AGAP1: variants seen among roughly 807,000 people sequenced by gnomAD.
The protein encoded by AGAP1 is ArfGAP with GTPase domain, ankyrin repeat and PH domain 1.
A neutral mutation model predicts 105.3 loss-of-function variants in AGAP1; 29 were observed. The observed-to-expected ratio is 0.28, with a 90% CI of 0.21 to 0.38. The LOEUF is 0.38. Ranked by LOEUF, AGAP1 falls within the 10% of genes least tolerant of loss-of-function variation. The pLI, the probability that AGAP1 is intolerant of heterozygous loss-of-function variation, is 1.00. For synonymous variants in AGAP1, 509 were observed against 485.9 expected, an observed-to-expected ratio of 1.05 and a Z score of -0.63; for missense variants, 998 against 1,165.1, an observed-to-expected ratio of 0.86 and a Z score of 2.09.
intron 13 of AGAP1, among the ~76,000 whole-genome samples, chr2:235,972,506 G>A (rs1286559709): frequency 6.6e-6 from 1 of 151,528 alleles, no homozygotes; most frequent in Non-Finnish European, 1.5e-5. Context: ...AACCCGGGGT[G>A]TAACGGGGTG....
chr2:235,713,459 C>T (rs1950949210), intron 2 of AGAP1, among the ~76,000 whole-genome samples: 1 of 152,248 alleles, frequency 6.6e-6, no homozygotes. Context: ...TGCATGTACT[C>T]ATCCGTTCTT....
rs2058699687 is a variant in AGAP1, at chr2:236,078,412, A to T, written c.2114+29131A>T. Among the ~76,000 whole-genome samples the T allele has an allele frequency of 6.6e-6, 1 of 152,136 alleles. No individual in the cohort carries two copies. The highest frequency in any genetic ancestry group is 1.5e-5 in the Non-Finnish European group (1 of 68,022). On this transcript the variant is annotated intron_variant, in intron 16 of 17. Transcript: ENST00000304032. The surrounding 1 kb of genome is among the most constrained non-coding windows in gnomAD (Gnocchi z 5.3). ...CTACAAAAGGCCTTCACAGCAATGCATAGGTTGTGTGTGATGAAATCACTG... is the reference window on the plus strand; with the variant it reads ...CTACAAAAGGCCTTCACAGCAATGCTTAGGTTGTGTGTGATGAAATCACTG...
chr2:235,689,328 C>T lies in AGAP1; in HGVS notation c.164-19851C>T, dbSNP rs1290539301. ...CCACAAGTCACTGCACAGCTCACCA[C>T]GCGGGCCTGGAGTGAGCCTGCTGCT... On this transcript the variant is annotated intron_variant, in intron 1 of 17. Transcript: ENST00000304032. This position sits in a 1 kb window ranked among gnomAD's most constrained non-coding sequence, Gnocchi z 4.2. 1.3e-5 allele frequency among the ~76,000 whole-genome samples: 2 copies of T among 152,214 alleles called. No homozygotes were observed. The highest frequency in any genetic ancestry group is 2.9e-5 in the Non-Finnish European group (2 of 68,034).
At chr2:235,726,586 C>G (rs1441364657) in intron 3 of AGAP1, among the ~76,000 whole-genome samples, 2 of 152,206 alleles carry the variant, frequency 1.3e-5, no homozygotes, top group African/African-American at 4.8e-5. Context: ...CACTGCTCCT[C>G]CCGTCTGCCC....
rs2317006 is a variant in AGAP1, at chr2:235,959,161, G to A, written c.1484-9301G>A. 0.51 allele frequency among the ~76,000 whole-genome samples: 77,721 copies of A among 152,004 alleles called. 20,141 individuals are homozygous for A. The highest frequency in any genetic ancestry group is 0.65 in the South Asian group (3,142 of 4,814). On this transcript the variant is annotated intron_variant, in intron 12 of 17. Coordinates refer to ENST00000304032, the MANE Select transcript of AGAP1 (RefSeq NM_001037131.3). The surrounding 1 kb of genome is among the most constrained non-coding windows in gnomAD (Gnocchi z 7.3). ...TAGCCTCTCCCCTCCCATACTTAAC[G>A]CCGTCGACAGTAGTCGTCTGTCCCG...
rs761461457 is a variant in AGAP1 at position 235,553,115 on chromosome 2, C to T, written c.163+58266C>T. Among the ~76,000 whole-genome samples, 57 of 152,204 alleles carry T rather than the reference C, an allele frequency of 3.7e-4. No homozygotes were observed. The highest frequency in any genetic ancestry group is 5.9e-4 in the Non-Finnish European group (40 of 68,034). ...ACTGAATATACAGTCAGCTACTCACCACTCGAAAGCCAGACTTGAGAGACA... is the reference window on the plus strand; with the variant it reads ...ACTGAATATACAGTCAGCTACTCACTACTCGAAAGCCAGACTTGAGAGACA... On this transcript the variant is annotated intron_variant, in intron 1 of 17. Coordinates refer to ENST00000304032, the MANE Select transcript of AGAP1 (RefSeq NM_001037131.3). This position sits in a 1 kb window ranked among gnomAD's most constrained non-coding sequence, Gnocchi z 4.5.
chr2:235,826,468 CA>C (rs1252963089), intron 9 of AGAP1, among the ~76,000 whole-genome samples: 6 of 151,774 alleles, frequency 4.0e-5, no homozygotes, highest in African/African-American at 1.5e-4. Flanking sequence ...TTTTTTGAGA[CA>C]AGAGTCTTGC....
intron 9 of AGAP1, among the ~76,000 whole-genome samples, chr2:235,868,817 A>G (rs549686168): frequency 6.6e-6 from 1 of 152,328 alleles, no homozygotes; most frequent in East Asian, 1.9e-4. Flanking sequence ...TGTACACTTA[A>G]CATTGCTTTT....
At position 235,880,297 on chromosome 2, in the gene AGAP1, A is replaced by C. The variant is rs59410967; in HGVS notation, c.1051-3048A>C. 7.6e-3 allele frequency among the ~76,000 whole-genome samples: 1,151 copies of C among 152,112 alleles called. 9 individuals carry two copies. The highest frequency in any genetic ancestry group is 0.027 in the African/African-American group (1,117 of 41,494). ...ACACGCCAGCCAGAAGAGTGGTGCA[A>C]ATCCATCCGCGTGGAGCCCCGAGGG... On this transcript the variant is annotated intron_variant, in intron 9 of 17. Coordinates refer to ENST00000304032, the MANE Select transcript of AGAP1 (RefSeq NM_001037131.3).
intron 16 of AGAP1, among the ~76,000 whole-genome samples, chr2:236,117,496 T>C (rs942180516): frequency 3.3e-5 from 5 of 152,176 alleles, no homozygotes; most frequent in African/African-American, 4.8e-5. Context: ...ATTCTTTGGC[T>C]GGGGTGTGGG....
At chr2:235,684,139 T>C (rs1253009946) in intron 1 of AGAP1, among the ~76,000 whole-genome samples, 1 of 152,152 alleles carries the variant, frequency 6.6e-6, no homozygotes, top group Non-Finnish European at 1.5e-5. Flanking sequence ...CTTCCCGGGT[T>C]CACACCATTC....
intron 13 of AGAP1, among the ~76,000 whole-genome samples, chr2:235,980,231 C>T (rs1484013925): frequency 1.3e-5 from 2 of 152,192 alleles, no homozygotes; most frequent in Non-Finnish European, 2.9e-5. Flanking sequence ...CTGTGCTCCT[C>T]GAATAGTCGG....
chr2:235,799,971 T>C lies in AGAP1; in HGVS notation c.957+449T>C, dbSNP rs1332791216. Reference sequence around the variant, plus strand: ...GTGGAGGTGGGGGACTGGGAGGTGCTTCCTGGAGGCTCATTGCCATGAGGC... The same window carrying C: ...GTGGAGGTGGGGGACTGGGAGGTGCCTCCTGGAGGCTCATTGCCATGAGGC... On this transcript the variant is annotated intron_variant, in intron 8 of 17. Coordinates refer to ENST00000304032, the MANE Select transcript of AGAP1 (RefSeq NM_001037131.3). This position sits in a 1 kb window ranked among gnomAD's most constrained non-coding sequence, Gnocchi z 5.0. Among the ~76,000 whole-genome samples the C allele has an allele frequency of 6.6e-6, 1 of 152,138 alleles. No homozygotes were observed. Among genetic ancestry groups the C allele is most frequent in the Non-Finnish European group, 1.5e-5 (1 of 68,022 alleles).
Position 235,900,785 on chromosome 2 carries a change from T to C in AGAP1, c.1156-7953T>C, listed in dbSNP as rs1167894434. On this transcript the variant is annotated intron_variant, in intron 10 of 17. Coordinates refer to ENST00000304032, the MANE Select transcript of AGAP1 (RefSeq NM_001037131.3). The surrounding 1 kb of genome is among the most constrained non-coding windows in gnomAD (Gnocchi z 5.5). ...TGTTTGCCTCTGTGCATGCTACACA[T>C]CTGATTGGCCAGGTGCCTTCCTCCT... 1.3e-5 allele frequency among the ~76,000 whole-genome samples: 2 copies of C among 152,182 alleles called. No homozygotes were observed. The highest frequency in any genetic ancestry group is 2.4e-5 in the African/African-American group (1 of 41,438).
chr2:235,796,088 G>A (rs993218352), intron 6 of AGAP1, among the ~76,000 whole-genome samples: 2 of 152,152 alleles, frequency 1.3e-5, no homozygotes, highest in African/African-American at 4.8e-5. Flanking sequence ...AAGTCAGTGT[G>A]GCCATCCAGC....
intron 16 of AGAP1, among the ~76,000 whole-genome samples, chr2:236,102,334 C>T (rs538052930): frequency 1.3e-5 from 2 of 149,228 alleles, no homozygotes; most frequent in Admixed American, 6.8e-5. Context: ...AGGAGAATGG[C>T]GTGAACCCGG....
chr2:235,920,122 A>C (rs7576871), intron 11 of AGAP1, among the ~76,000 whole-genome samples: 118,165 of 152,094 alleles, frequency 0.78, 45,986 homozygotes, highest in East Asian at 0.98. Context: ...GTAGTCGTTA[A>C]ATTTGTCATT....
chr2:235,513,240 C>A (rs77978389), intron 1 of AGAP1, among the ~76,000 whole-genome samples: 3 of 151,376 alleles, frequency 2.0e-5, no homozygotes, highest in African/African-American at 7.3e-5. Context: ...GATCACTGTG[C>A]CGGGCGCGGG....
chr2:235,735,088 A>G (rs565356698), intron 3 of AGAP1, among the ~76,000 whole-genome samples: 1 of 125,770 alleles, frequency 8.0e-6, no homozygotes, highest in South Asian at 2.6e-4. Flanking sequence ...GGGTGTTGCC[A>G]ATGATGTTTG....
Sources: gnomAD v4.1 joint callset for allele counts (sites outside exome capture counted in the v4.1 genomes callset) on GRCh38, gnomAD v4.1.1 for gene constraint, Gnocchi (gnomAD v3.1) non-coding constraint, MANE v1.5 for transcripts, NCBI Gene and HGNC (gene_info 2026-07-23, HGNC 2026-07-21) for gene names.